NDST3: variants seen among roughly 807,000 people sequenced by gnomAD.
The protein encoded by NDST3 is N-deacetylase and N-sulfotransferase 3.
NDST3 carries 58 observed loss-of-function variants against 96.1 expected under a neutral mutation model. That is an observed-to-expected ratio of 0.60 (90% CI 0.49 to 0.75). The LOEUF (loss-of-function observed/expected upper bound fraction) is 0.75. NDST3 is among the 30% of genes least tolerant of loss of function. The pLI, the probability that NDST3 is intolerant of heterozygous loss-of-function variation, is 0.00. For synonymous variants in NDST3, 333 were observed against 359.7 expected (o/e 0.93, Z 0.84); for missense variants, 788 against 1,034.2 (o/e 0.76, Z 3.27).
At chr4:118,096,695 A>ATAGG (rs1729340300) in intron 2 of NDST3, among the ~76,000 whole-genome samples, 2 of 151,702 alleles carry the variant, frequency 1.3e-5, no homozygotes, top group African/African-American at 4.8e-5. Context: ...AGATAGATAG[A>ATAGG]TAGATAGATA....
intron 6 of NDST3, among the ~76,000 whole-genome samples, chr4:118,145,327 T>C (rs1052794753): frequency 6.6e-6 from 1 of 152,240 alleles, no homozygotes; most frequent in Non-Finnish European, 1.5e-5. Flanking sequence ...TGTAAAATTC[T>C]GATGTTTCAC....
chr4:118,056,824 G>A (rs1203093289), intron 2 of NDST3, among the ~76,000 whole-genome samples: 1 of 151,912 alleles, frequency 6.6e-6, no homozygotes, highest in Non-Finnish European at 1.5e-5. Flanking sequence ...GATAAAGTGG[G>A]GGTGATAAAT....
chr4:118,061,904 A>G (rs565371839), intron 2 of NDST3, among the ~76,000 whole-genome samples: 1 of 152,202 alleles, frequency 6.6e-6, no homozygotes, highest in East Asian at 1.9e-4. Context: ...GCGCAGCCAC[A>G]TGGTGGAAGA....
intron 8 of NDST3, 105 bp downstream of exon 8, chr4:118,227,087 T>C: frequency 1.4e-6 from 1 of 727,262 alleles, no homozygotes; most frequent in Non-Finnish European, 2.4e-6. Flanking sequence ...TGCTAATGAA[T>C]GAATAACATG....
chr4:118,199,176 C>T (rs990393816), intron 6 of NDST3, among the ~76,000 whole-genome samples: 5 of 152,160 alleles, frequency 3.3e-5, no homozygotes, highest in African/African-American at 1.2e-4. Flanking sequence ...CTCTTTAAAG[C>T]CAATAACTCT....
chr4:118,034,071 T>C (rs2110413039), upstream of NDST3, among the ~76,000 whole-genome samples: 1 of 152,330 alleles, frequency 6.6e-6, no homozygotes, highest in Non-Finnish European at 1.5e-5. Flanking sequence ...AACCAGCTTT[T>C]TTCTCCTGTT....
At chr4:118,217,789 G>A (rs914312005) in intron 6 of NDST3, among the ~76,000 whole-genome samples, 1 of 151,800 alleles carries the variant, frequency 6.6e-6, no homozygotes, top group African/African-American at 2.4e-5. Context: ...AGAGGTACAT[G>A]GAGAAATGAA....
chr4:118,197,880 A>T (rs1578801308), intron 6 of NDST3, among the ~76,000 whole-genome samples: 2 of 146,822 alleles, frequency 1.4e-5, no homozygotes, highest in South Asian at 2.2e-4. Context: ...GCTTGCTGCA[A>T]CCTCCGCCTC....
At chr4:118,038,241 C>T (rs1724259172) in intron 1 of NDST3, among the ~76,000 whole-genome samples, 1 of 152,158 alleles carries the variant, frequency 6.6e-6, no homozygotes, top group African/African-American at 2.4e-5. Context: ...AGGGTAAAGG[C>T]AGACATTTTC....
intron 7 of NDST3, among the ~76,000 whole-genome samples, chr4:118,224,936 G>C (rs907830827): frequency 6.6e-6 from 1 of 152,140 alleles, no homozygotes; most frequent in South Asian, 2.1e-4. Flanking sequence ...CTTCAATCAG[G>C]AGTGAGAGAT....
At chr4:118,058,139 A>T (rs1335089985) in intron 2 of NDST3, among the ~76,000 whole-genome samples, 3 of 152,014 alleles carry the variant, frequency 2.0e-5, no homozygotes, top group African/African-American at 7.2e-5. Context: ...GGAAAATTTA[A>T]AAGAATGTGA....
At chr4:118,127,111 G>A (rs1174841722) in intron 4 of NDST3, among the ~76,000 whole-genome samples, 1 of 151,832 alleles carries the variant, frequency 6.6e-6, no homozygotes, top group Non-Finnish European at 1.5e-5. Flanking sequence ...GTCAGATGGG[G>A]AGTTTGCAAA....
chr4:118,035,429 C>CT (rs1349827156), intron 1 of NDST3, among the ~76,000 whole-genome samples: 1 of 105,224 alleles, frequency 9.5e-6, no homozygotes, highest in Non-Finnish European at 2.1e-5. Flanking sequence ...GGGACACACA[C>CT]TTTTTTTTTG....
intron 4 of NDST3, 36 bp from the exon 5 acceptor site, chr4:118,138,018 C>G: frequency 6.6e-7 from 1 of 1,516,342 alleles, no homozygotes; most frequent in Non-Finnish European, 8.9e-7. Context: ...CAAGATAAAT[C>G]TTTACACGCT....
rs192710046 is a variant in NDST3 at position 118,204,492 on chromosome 4, T to G, written c.1540-19999T>G. 1.9e-4 allele frequency among the ~76,000 whole-genome samples: 27 copies of G among 144,498 alleles called. 5 individuals are homozygous for G. The highest frequency in any genetic ancestry group is 6.9e-4 in the African/African-American group (27 of 39,138). The allele number at this position is 144,498 out of a possible 152,430, so 94.8% of individuals were successfully genotyped here. On this transcript the variant is annotated intron_variant, in intron 6 of 13. Coordinates refer to ENST00000296499, the MANE Select transcript of NDST3 (RefSeq NM_004784.3). Reference sequence around the variant, plus strand: ...AAGTGAGGTACACAAACAGCCAGATTGGTTACAGCTCAACATTTGCCTTAT... The same window carrying G: ...AAGTGAGGTACACAAACAGCCAGATGGGTTACAGCTCAACATTTGCCTTAT...
chr4:118,159,340 T>C (rs1456067709), intron 6 of NDST3, among the ~76,000 whole-genome samples: 2 of 152,174 alleles, frequency 1.3e-5, no homozygotes, highest in Admixed American at 1.3e-4. Context: ...AATCAACCAG[T>C]AAATCCCTCT....
chr4:118,047,680 C>A (rs1271663381), intron 1 of NDST3, among the ~76,000 whole-genome samples: 1 of 152,136 alleles, frequency 6.6e-6, no homozygotes, highest in Non-Finnish European at 1.5e-5. Flanking sequence ...TTCGGGCCAA[C>A]TCAACTCAGA....
intron 6 of NDST3, among the ~76,000 whole-genome samples, chr4:118,146,816 G>A: frequency 6.6e-6 from 1 of 152,124 alleles, no homozygotes; most frequent in East Asian, 1.9e-4. Flanking sequence ...GATCCATTTG[G>A]GGGAGGTGGA....
chr4:118,105,046 G>A lies in NDST3; in HGVS notation c.1010G>A (p.Arg337His), dbSNP rs1730058982. Residue 337 changes from arginine (R) to histidine (H), a missense_variant, in exon 3 of 14, where the codon CGT (arginine) becomes CAT (histidine). Arg to His is a conservative substitution (Grantham distance 29). Transcript: ENST00000296499. ...KALLDTQNLL[R>H]AQITNFTFNL... ...CTGCTTGATACTCAGAATCTTTTGC[G>A]TGCACAAATCACAAATTTTACATTC... The A allele has an allele frequency of 6.2e-6, 10 of 1,612,860 alleles. No individual in the cohort carries two copies. Among genetic ancestry groups the A allele is most frequent in the African/African-American group, 1.3e-5 (1 of 74,764 alleles).
Sources: gnomAD v4.1 joint callset for allele counts (sites outside exome capture counted in the v4.1 genomes callset) on GRCh38, gnomAD v4.1.1 for gene constraint, MANE v1.5 for transcripts, NCBI Gene and HGNC (gene_info 2026-07-23, HGNC 2026-07-21) for gene names.